The following OPCML variants were observed in gnomAD, a reference collection of about 807,000 sequenced individuals.
OPCML encodes opioid-binding protein/cell adhesion molecule.
OPCML carries 13 observed loss-of-function variants against 37.8 expected under a neutral mutation model. That is an observed-to-expected ratio of 0.34 (90% CI 0.22 to 0.55). The LOEUF (loss-of-function observed/expected upper bound fraction) is 0.55, where lower values mean the gene tolerates loss of function less well. Among genes scored for constraint, OPCML ranks in the 20% least tolerant of loss-of-function variants. The pLI is 0.91. For synonymous variants in OPCML, 176 were observed against 168.8 expected, an observed-to-expected ratio of 1.04 and a Z score of -0.33; for missense variants, 341 against 435.6, an observed-to-expected ratio of 0.78 and a Z score of 1.93.
At chr11:133,507,019 CT>C (rs1948047141) in intron 1 of OPCML, among the ~76,000 whole-genome samples, 1 of 152,250 alleles carries the variant, frequency 6.6e-6, no homozygotes, top group African/African-American at 2.4e-5. Context: ...GCATGTGGGT[CT>C]TTCCCCCACT....
chr11:132,661,135 G>A (rs1227011683), intron 2 of OPCML, among the ~76,000 whole-genome samples: 3 of 152,136 alleles, frequency 2.0e-5, no homozygotes, highest in African/African-American at 7.2e-5. Flanking sequence ...CCCTTGGAAA[G>A]CCTGTGTGTC....
At chr11:132,428,491 T>A (rs942481746) in intron 7 of OPCML, among the ~76,000 whole-genome samples, 1 of 152,170 alleles carries the variant, frequency 6.6e-6, no homozygotes, top group African/African-American at 2.4e-5. Flanking sequence ...GATGAGGGAT[T>A]GATTCTTCAG....
At chr11:132,659,167 C>G (rs139728016) in intron 2 of OPCML, among the ~76,000 whole-genome samples, 67 of 152,288 alleles carry the variant, frequency 4.4e-4, no homozygotes, top group African/African-American at 1.5e-3. Flanking sequence ...AGGCATCTTG[C>G]TTCTTTTCCT....
intron 1 of OPCML, among the ~76,000 whole-genome samples, chr11:133,482,519 G>A (rs1160745843): frequency 1.3e-5 from 2 of 152,096 alleles, no homozygotes; most frequent in Non-Finnish European, 2.9e-5. Flanking sequence ...CAACCAGAAG[G>A]GAGGGTGGCC....
intron 1 of OPCML, among the ~76,000 whole-genome samples, chr11:133,263,296 G>A (rs1248341663): frequency 1.3e-5 from 2 of 152,198 alleles, no homozygotes; most frequent in South Asian, 2.1e-4. Flanking sequence ...CTCAGTGAAC[G>A]ACAGACTGAA....
At chr11:133,075,055 A>G (rs903758328) in intron 1 of OPCML, among the ~76,000 whole-genome samples, 5 of 152,152 alleles carry the variant, frequency 3.3e-5, no homozygotes, top group Non-Finnish European at 7.3e-5. Flanking sequence ...CGTGCAGTGG[A>G]CGTCAGCCTC....
intron 3 of OPCML, among the ~76,000 whole-genome samples, chr11:132,624,825 T>A (rs1334932213): frequency 6.6e-6 from 1 of 152,196 alleles, no homozygotes; most frequent in Non-Finnish European, 1.5e-5. Flanking sequence ...CTTTTCTTTT[T>A]TCTATTATCA....
At chr11:133,267,366 C>T (rs1339716028) in intron 1 of OPCML, among the ~76,000 whole-genome samples, 1 of 152,146 alleles carries the variant, frequency 6.6e-6, no homozygotes, top group Non-Finnish European at 1.5e-5. Context: ...TAGCCATGTG[C>T]TCCTGAGCAA....
chr11:133,271,644 C>G (rs1261737966), intron 1 of OPCML, among the ~76,000 whole-genome samples: 1 of 152,164 alleles, frequency 6.6e-6, no homozygotes, highest in Non-Finnish European at 1.5e-5. Flanking sequence ...GAGGAAGGAG[C>G]TAAAGCTTAG....
chr11:132,895,881 T>C (rs530051434), intron 2 of OPCML, among the ~76,000 whole-genome samples: 1 of 152,062 alleles, frequency 6.6e-6, no homozygotes, highest in African/African-American at 2.4e-5. Context: ...AGGTTCAAAG[T>C]GTGATTCAGG....
intron 2 of OPCML, among the ~76,000 whole-genome samples, chr11:132,662,412 CAAAA>C (rs57243826): frequency 1.7e-5 from 2 of 119,952 alleles, no homozygotes; most frequent in African/African-American, 5.9e-5. Flanking sequence ...TTTGAAAATG[CAAAA>C]AAAAAAAAAA....
intron 1 of OPCML, among the ~76,000 whole-genome samples, chr11:133,349,409 G>T (rs1944077677): frequency 6.6e-6 from 1 of 152,076 alleles, no homozygotes; most frequent in Admixed American, 6.5e-5. Flanking sequence ...AGGTATTGTG[G>T]GAAGTACCTG....
intron 2 of OPCML, among the ~76,000 whole-genome samples, chr11:132,915,932 C>T (rs545014764): frequency 7.9e-5 from 12 of 152,248 alleles, no homozygotes; most frequent in African/African-American, 2.9e-4. Flanking sequence ...AGAGATCTTT[C>T]ATATTTAATT....
At chr11:132,653,020 T>G (rs973581398) in intron 3 of OPCML, among the ~76,000 whole-genome samples, 1 of 152,198 alleles carries the variant, frequency 6.6e-6, no homozygotes, top group Non-Finnish European at 1.5e-5. Flanking sequence ...AACATTTACC[T>G]ACTCTCCAGC....
chr11:133,061,608 G>C (rs556898650), intron 1 of OPCML, among the ~76,000 whole-genome samples: 2 of 152,082 alleles, frequency 1.3e-5, no homozygotes, highest in Admixed American at 1.3e-4. Context: ...ATTTCACCAC[G>C]TGTCCTACCT....
At chr11:133,416,255 A>T (rs559418422) in intron 1 of OPCML, among the ~76,000 whole-genome samples, 6 of 152,300 alleles carry the variant, frequency 3.9e-5, no homozygotes, top group African/African-American at 1.4e-4. Flanking sequence ...CACAGCAGCT[A>T]GGGAGAGGTC....
chr11:132,938,046 T>C (rs932705869), intron 2 of OPCML, among the ~76,000 whole-genome samples: 9 of 152,112 alleles, frequency 5.9e-5, no homozygotes, highest in Middle Eastern at 3.4e-3. Context: ...CCAACTGCTG[T>C]GCCTGAATAT....
intron 1 of OPCML, among the ~76,000 whole-genome samples, chr11:133,030,745 G>T (rs890853989): frequency 2.6e-5 from 4 of 152,110 alleles, no homozygotes; most frequent in Non-Finnish European, 4.4e-5. Flanking sequence ...ATTTGGAGAT[G>T]ATTTCAATGC....
In OPCML at chr11:133,103,120, T is replaced by G. The variant is rs558909297; in HGVS notation, c.62-160110A>C. On this transcript the variant is annotated intron_variant, in intron 1 of 7. Coordinates refer to ENST00000524381, the MANE Select transcript of OPCML (RefSeq NM_001012393.5). ...ACCAAAACCACAACATTACTTTTTT[T>G]CTAATAGTGATCTGGGGATTCCTAC... 3.9e-5 allele frequency among the ~76,000 whole-genome samples: 6 copies of G among 152,348 alleles called. 2 individuals carry two copies. Among genetic ancestry groups the G allele is most frequent in the African/African-American group, 1.4e-4 (6 of 41,584 alleles).
Sources: allele counts gnomAD v4.1 joint callset (sites outside exome capture counted in the v4.1 genomes callset), GRCh38; gene constraint gnomAD v4.1.1; transcripts MANE v1.5; gene names NCBI Gene and HGNC (gene_info 2026-07-23, HGNC 2026-07-21).